ABCC5: variants seen among roughly 807,000 people sequenced by gnomAD.
ABCC5 encodes the protein ATP-binding cassette sub-family C member 5.
ABCC5 carries 61 observed loss-of-function variants against 160.9 expected under a neutral mutation model. The ratio of observed to expected loss-of-function variants is 0.38; its 90% CI spans 0.31 to 0.47. ABCC5 has a LOEUF of 0.47. ABCC5 is among the 20% of genes least tolerant of loss of function. The probability of loss-of-function intolerance (pLI) is 0.99; values close to 1 mark genes in which losing one functional copy is unlikely to be tolerated. For synonymous variants in ABCC5, 666 were observed against 700.6 expected (o/e 0.95, Z 0.78); for missense variants, 1,308 against 1,813.3 (o/e 0.72, Z 5.06).
chr3:183,970,495 A>G (rs1717641083), intron 11 of ABCC5, among the ~76,000 whole-genome samples: 1 of 149,748 alleles, frequency 6.7e-6, no homozygotes, highest in Admixed American at 6.7e-5. Context: ...CCCAGGCTGG[A>G]GTGCAGTAGC....
At chr3:183,983,699 C>T (rs997353127) in intron 5 of ABCC5, 22 of 981,522 alleles carry the variant, frequency 2.2e-5, no homozygotes, top group Middle Eastern at 5.2e-4. Flanking sequence ...CCTGCAACGC[C>T]GGAGCACACA....
chr3:183,955,639 C>T (rs966166280), intron 17 of ABCC5, among the ~76,000 whole-genome samples: 4 of 151,980 alleles, frequency 2.6e-5, no homozygotes, highest in Admixed American at 2.0e-4. Context: ...CATGCAGATC[C>T]GTGTGTATAT....
Position 183,925,731 on chromosome 3 carries a change from G to A in ABCC5, c.4048-12C>T. ...TCTAAAATCAGAATCTGCCAGAGAA[G>A]CAGAGGAGAAAGAAACTCGATTAAA... On this transcript the variant is annotated splice_polypyrimidine_tract_variant and intron_variant, in intron 28 of 29. Transcript: ENST00000334444. 12 of 1,609,452 alleles carry A rather than the reference G, an allele frequency of 7.5e-6. No homozygotes were observed. Among genetic ancestry groups the A allele is most frequent in the Non-Finnish European group, 9.3e-6 (11 of 1,178,702 alleles).
At chr3:183,928,423 C>CG (rs1712825486) in intron 27 of ABCC5, among the ~76,000 whole-genome samples, 1 of 152,144 alleles carries the variant, frequency 6.6e-6, no homozygotes, top group Non-Finnish European at 1.5e-5. Flanking sequence ...CGTTATATAT[C>CG]TTTTGCGTAT....
chr3:184,000,513 A>C (rs1720662043), intron 2 of ABCC5: 1 of 152,200 alleles, frequency 6.6e-6, no homozygotes, highest in African/African-American at 2.4e-5. Flanking sequence ...TTCTAGATAC[A>C]GGAGAGAACA....
intron 27 of ABCC5, 198 bp from the exon 28 acceptor site, chr3:183,927,641 A>C (rs1712717181): frequency 1.0e-6 from 1 of 985,296 alleles, no homozygotes; most frequent in Admixed American, 6.2e-5. Context: ...ATTCCAATAG[A>C]CTATTCTGTT....
chr3:184,008,754 A>C (rs752195609), intron 2 of ABCC5, among the ~76,000 whole-genome samples: 20 of 152,258 alleles, frequency 1.3e-4, no homozygotes, highest in South Asian at 2.1e-4. Context: ...CTGCATCTTC[A>C]CTTACACCTT....
At position 183,949,675 on chromosome 3, in the gene ABCC5, T is replaced by C; in HGVS notation, c.3227+78A>G. Reference sequence around the variant, plus strand: ...GGTTTATAATCCCCATCTCTGGCCTTGAAGAGCCTCCCGGACAAGTATCAA... The same window carrying C: ...GGTTTATAATCCCCATCTCTGGCCTCGAAGAGCCTCCCGGACAAGTATCAA... On this transcript the variant is annotated intron_variant, in intron 22 of 29. Coordinates refer to ENST00000334444, the MANE Select transcript of ABCC5 (RefSeq NM_005688.4). The surrounding 1 kb of genome is among the most constrained non-coding windows in gnomAD (Gnocchi z 4.2). The C allele has an allele frequency of 6.5e-7, 1 of 1,548,558 alleles. No individual in the cohort carries two copies. Among genetic ancestry groups the C allele is most frequent in the Admixed American group, 1.9e-5 (1 of 52,132 alleles).
intron 10 of ABCC5, 47 bp downstream of exon 10, chr3:183,977,470 G>GT: frequency 7.1e-7 from 1 of 1,408,636 alleles, no homozygotes; most frequent in Non-Finnish European, 1.0e-6. Flanking sequence ...GCAGTTAGTT[G>GT]TGTGGGGAGG....
rs1718643945 is a variant in ABCC5 at position 183,980,717 on chromosome 3, T to G, written c.1147+1010A>C. ...GCCTTGCTCTGAACACTGTTTTGTT[T>G]TTTTTTTTTTTTTTTGAGACAGTCT... On this transcript the variant is annotated intron_variant, in intron 8 of 29. Transcript: ENST00000334444. Among the ~76,000 whole-genome samples the G allele has an allele frequency of 2.0e-5, 3 of 149,402 alleles. No homozygotes were observed. The South Asian group carries it at 6.3e-4, about 31-fold the overall frequency.
At chr3:183,969,209 C>G (rs980694261) in intron 11 of ABCC5, among the ~76,000 whole-genome samples, 2 of 152,184 alleles carry the variant, frequency 1.3e-5, no homozygotes, top group African/African-American at 4.8e-5. Flanking sequence ...TAAGGCATCT[C>G]TCTTCAAATG....
chr3:183,957,596 G>C (rs544160383), intron 17 of ABCC5, among the ~76,000 whole-genome samples: 251 of 152,024 alleles, frequency 1.7e-3, no homozygotes, highest in African/African-American at 5.9e-3. Flanking sequence ...TTATCCGTGT[G>C]TACATCACAT....
chr3:183,997,825 C>G (rs1330136297), intron 2 of ABCC5, among the ~76,000 whole-genome samples: 1 of 152,166 alleles, frequency 6.6e-6, no homozygotes, highest in Admixed American at 6.6e-5. Context: ...CTCTGTCACC[C>G]AGGCTGGAAT....
In ABCC5 at chr3:184,017,675, CA is replaced by C. The variant is rs1722306581; in HGVS notation, c.-56+154del. Among the ~76,000 whole-genome samples, 3 of 152,208 alleles carry C rather than the reference CA, an allele frequency of 2.0e-5. No individual in the cohort carries two copies. Among genetic ancestry groups the C allele is most frequent in the South Asian group, 4.1e-4 (2 of 4,834 alleles). On this transcript the variant is annotated intron_variant, in intron 1 of 29. Transcript: ENST00000334444. This position sits in a 1 kb window ranked among gnomAD's most constrained non-coding sequence, Gnocchi z 4.5. ...GGCCTAGGAGGCGGCGGCAGGAGACCAGGGGGAGGCCATACGCCGTTCCCCA... is the reference window on the plus strand; with the variant it reads ...GGCCTAGGAGGCGGCGGCAGGAGACCGGGGGAGGCCATACGCCGTTCCCCA...
intron 10 of ABCC5, 171 bp from the exon 11 acceptor site, chr3:183,972,090 T>A: frequency 7.0e-7 from 1 of 1,422,354 alleles, no homozygotes; most frequent in South Asian, 1.2e-5. Context: ...CATCAAGGGG[T>A]CACGGGAGTG....
At chr3:183,922,450 C>T (rs151229601) in intron 29 of ABCC5, among the ~76,000 whole-genome samples, 82 of 152,288 alleles carry the variant, frequency 5.4e-4, no homozygotes, top group African/African-American at 1.5e-3. Flanking sequence ...AAGTCAAGGG[C>T]ACACCAGACA....
At chr3:183,971,493 C>T in intron 11 of ABCC5, 70 bp downstream of exon 11, 1 of 1,423,496 alleles carries the variant, frequency 7.0e-7, no homozygotes, top group Admixed American at 2.2e-5. Context: ...GGAACAGCAG[C>T]CGCCTATTGG....
chr3:183,942,495 T>C, intron 25 of ABCC5: 1 of 667,436 alleles, frequency 1.5e-6, no homozygotes, highest in Non-Finnish European at 2.7e-6. Flanking sequence ...TCTTTCGTAC[T>C]TGGCTGTGTG....
rs1268666590 is a variant in ABCC5, at chr3:183,921,199, C to T, written c.*101G>A. On this transcript the variant is annotated 3_prime_UTR_variant, in exon 30 of 30. Transcript: ENST00000334444. This position sits in a 1 kb window ranked among gnomAD's most constrained non-coding sequence, Gnocchi z 4.1. ...GGAACTGCTGTGCGAAAGATAAAAT[C>T]GAGAAAGGCAAGGTTTCGGTAGGAG... is the stretch of plus-strand genomic sequence containing the variant. 3.2e-6 allele frequency: 2 copies of T among 624,110 alleles called. No individual in the cohort carries two copies. Among genetic ancestry groups the T allele is most frequent in the Non-Finnish European group, 5.8e-6 (2 of 347,434 alleles). 38.7% of individuals were successfully genotyped at this position (624,110 alleles called of 1,614,324 possible).
Sources: gnomAD v4.1 joint callset for allele counts (sites outside exome capture counted in the v4.1 genomes callset) on GRCh38, gnomAD v4.1.1 for gene constraint, Gnocchi (gnomAD v3.1) non-coding constraint, MANE v1.5 for transcripts, NCBI Gene and HGNC (gene_info 2026-07-23, HGNC 2026-07-21) for gene names.